Variants in EFHB observed in about 807,000 individuals in gnomAD.
EFHB encodes the protein EF-hand domain family member B, also known as EF-hand domain-containing family member B.
In EFHB, 91 loss-of-function variants were observed where a neutral mutation model predicts 87.2. The ratio of observed to expected loss-of-function variants is 1.04; its 90% CI spans 0.88 to 1.24. The LOEUF is 1.24. Among genes scored for constraint, EFHB ranks in the 50% most tolerant of loss-of-function variants. EFHB has a pLI of 0.00. For missense variants in EFHB, 1,084 were observed against 998.8 expected (o/e 1.09, Z -1.15); for synonymous variants, 325 against 333.6 (o/e 0.97, Z 0.28).
chr3:19,908,588 GAGAGAGAGAGAGAAAGAAAGAA>G (rs1429186357), intron 5 of EFHB, among the ~76,000 whole-genome samples: 15 of 121,700 alleles, frequency 1.2e-4, no homozygotes, highest in Non-Finnish European at 2.1e-4. Flanking sequence ...GAGAGAGAGA[GAGAGAGAGAGAGAAAGAAAGAA>G]AGAAAGAAAG....
rs746700214 is a variant in EFHB at position 19,919,909 on chromosome 3, A to G, written c.920T>C (p.Val307Ala). ...GGGATCATTTGCTCTTCCGTAAAAT[A>G]CTCTTTCTACTCCAGCAGGTGGATA... ...FRYPPAGVER[V>A]FYGRANDPQI... Residue 307 changes from valine to alanine, a missense_variant, in exon 3 of 13, where the codon GTA becomes GCA. Transcript: ENST00000295824. The G allele has an allele frequency of 6.2e-7, 1 of 1,613,676 alleles. No individual in the cohort carries two copies. The highest frequency in any genetic ancestry group is 1.7e-5 in the Admixed American group (1 of 60,008).
chr3:19,933,844 G>A lies in EFHB; in HGVS notation c.175C>T (p.Pro59Ser), dbSNP rs2125168343. 1 of 1,613,850 alleles carries A rather than the reference G, an allele frequency of 6.2e-7. No homozygotes were observed. Among genetic ancestry groups the A allele is most frequent in the Non-Finnish European group, 8.5e-7 (1 of 1,179,860 alleles). The change falls in exon 1 of 13, where the codon CCA becomes TCA. Residue 59 changes from proline (P) to serine (S), a missense_variant. Coordinates refer to ENST00000295824, the MANE Select transcript of EFHB (RefSeq NM_144715.4). Reference sequence around the variant, plus strand: ...CTCAATGGAAATTTTGTTTCTGGTGGTGCCATCCTTCCCTCACACTTATTA... The same window carrying A: ...CTCAATGGAAATTTTGTTTCTGGTGATGCCATCCTTCCCTCACACTTATTA... ...VSNKCEGRMA[P>S]PETKFPLSKG...
chr3:19,899,409 T>C (rs750323557), intron 7 of EFHB, 23 bp downstream of exon 7: 1 of 1,541,756 alleles, frequency 6.5e-7, no homozygotes, highest in Admixed American at 1.8e-5. Context: ...AAACTATCAA[T>C]TTGAAGTTAA....
At chr3:19,899,561 T>G in intron 6 of EFHB, 46 bp from the exon 7 acceptor site, 1 of 1,442,958 alleles carries the variant, frequency 6.9e-7, no homozygotes, top group Non-Finnish European at 9.4e-7. Context: ...CCTAAAGTAT[T>G]CTTGGCTGCC....
intron 1 of EFHB, among the ~76,000 whole-genome samples, chr3:19,931,971 A>G (rs550630238): frequency 6.6e-6 from 1 of 152,264 alleles, no homozygotes; most frequent in African/African-American, 2.4e-5. Context: ...TCATATTACC[A>G]AGTGTTTCCC....
intron 1 of EFHB, among the ~76,000 whole-genome samples, chr3:19,944,783 G>C (rs1056852229): frequency 2.0e-5 from 3 of 152,070 alleles, no homozygotes; most frequent in Non-Finnish European, 4.4e-5. Context: ...TCATTGTGAG[G>C]TCTTCTTAAT....
Position 19,930,515 on chromosome 3 carries a change from C to T in EFHB, c.789+2715G>A, listed in dbSNP as rs181670661. Among the ~76,000 whole-genome samples the T allele has an allele frequency of 1.2e-4, 19 of 152,316 alleles. No homozygotes were observed. The East Asian group carries it at 2.9e-3, about 23-fold the overall frequency. The stretch of plus-strand genomic sequence containing the variant: ...CTTTCTCCGATTCTAATAACCCATT[C>T]GCTCTTCAGTATATTATAATCTGAA... On this transcript the variant is annotated intron_variant, in intron 1 of 12. Transcript: ENST00000295824.
intron 5 of EFHB, among the ~76,000 whole-genome samples, chr3:19,908,562 AAGAG>A (rs71624361): frequency 0.032 from 2,664 of 83,516 alleles, 90 homozygotes; most frequent in South Asian, 0.058. Flanking sequence ...GAAAGAGAGA[AAGAG>A]AGAGAGAGAG....
intron 1 of EFHB, among the ~76,000 whole-genome samples, chr3:19,928,058 T>C (rs1695692073): frequency 6.6e-6 from 1 of 151,460 alleles, no homozygotes; most frequent in South Asian, 2.1e-4. Context: ...TCTTTTTATA[T>C]ACTAGCGTTA....
chr3:19,936,279 G>A (rs145246030), upstream of EFHB: 750 of 676,968 alleles, frequency 1.1e-3, 15 homozygotes, highest in East Asian at 0.015. Context: ...GAGCCCAGGA[G>A]GTCTATGCGG....
intron 5 of EFHB, among the ~76,000 whole-genome samples, chr3:19,908,208 T>C (rs73046023): frequency 6.6e-6 from 1 of 152,102 alleles, no homozygotes; most frequent in Non-Finnish European, 1.5e-5. Flanking sequence ...TACATACTGA[T>C]ATATACAAAA....
Position 19,897,939 on chromosome 3 carries a change from T to C in EFHB, c.1570+839A>G, listed in dbSNP as rs113375228. 2.8e-4 allele frequency among the ~76,000 whole-genome samples: 43 copies of C among 152,368 alleles called. 1 individual carries two copies. Among genetic ancestry groups the C allele is most frequent in the African/African-American group, 9.9e-4 (41 of 41,590 alleles). ...TTGACTTTAGCCAAAACATTTTTCA[T>C]AGTGGTTCTTAAACGTTAGTGTATA... On this transcript the variant is annotated intron_variant, in intron 8 of 12. Transcript: ENST00000295824.
chr3:19,892,876 TAAAATAA>T (rs1350472055), intron 9 of EFHB, among the ~76,000 whole-genome samples: 6 of 117,940 alleles, frequency 5.1e-5, no homozygotes, highest in African/African-American at 1.2e-4. Context: ...TAAAATAAAA[TAAAATAA>T]AATAATATAA....
At chr3:19,922,928 G>A (rs988889839) in intron 1 of EFHB, among the ~76,000 whole-genome samples, 3 of 151,748 alleles carry the variant, frequency 2.0e-5, no homozygotes, top group Non-Finnish European at 2.9e-5. Flanking sequence ...ATTAATATTC[G>A]GGACTCTCCC....
chr3:19,899,337 G>T (rs1694590881), intron 7 of EFHB, 95 bp downstream of exon 7: 3 of 759,456 alleles, frequency 4.0e-6, no homozygotes, highest in Admixed American at 3.4e-5. Context: ...TTATTTAATA[G>T]ATAGAATCTA....
chr3:19,888,362 C>T, intron 10 of EFHB, 82 bp downstream of exon 10: 2 of 771,178 alleles, frequency 2.6e-6, no homozygotes, highest in Non-Finnish European at 3.4e-6. Flanking sequence ...CATAGTGAGA[C>T]CTCGTCTGTA....
rs764302677 is a variant in EFHB, at chr3:19,919,812, GA to G, written c.996+20del. 4.9e-5 allele frequency: 78 copies of G among 1,603,068 alleles called. No homozygotes were observed. Among genetic ancestry groups the G allele is most frequent in the Non-Finnish European group, 6.1e-5 (72 of 1,171,828 alleles). On this transcript the variant is annotated intron_variant, in intron 3 of 12. Transcript: ENST00000295824. ...CCTTGGTAAATTAATAATGTACAAG[GA>G]AAAAAAGAAAATAACTTACCAGTAC...
upstream of EFHB, among the ~76,000 whole-genome samples, chr3:19,937,857 T>C (rs1575056342): frequency 6.6e-6 from 1 of 152,166 alleles, no homozygotes; most frequent in African/African-American, 2.4e-5. Flanking sequence ...AAGATAACAT[T>C]CAACATTTGT....
chr3:19,904,383 C>G (rs1444610223), intron 6 of EFHB, among the ~76,000 whole-genome samples: 1 of 152,042 alleles, frequency 6.6e-6, no homozygotes, highest in African/African-American at 2.4e-5. Context: ...TTGTTGTTTT[C>G]CCTAGAGATG....
Sources: gnomAD v4.1 joint callset for allele counts (sites outside exome capture counted in the v4.1 genomes callset) on GRCh38, gnomAD v4.1.1 for gene constraint, MANE v1.5 for transcripts, NCBI Gene and HGNC (gene_info 2026-07-23, HGNC 2026-07-21) for gene names.